ANKS1A: variants seen among roughly 807,000 people sequenced by gnomAD.
ANKS1A encodes the protein ankyrin repeat and SAM domain-containing protein 1A.
Under a neutral mutation model 120.3 loss-of-function variants are expected in ANKS1A, and 55 were observed. The observed-to-expected ratio is 0.46, with a 90% CI of 0.37 to 0.57. The LOEUF (loss-of-function observed/expected upper bound fraction) is 0.57. Among genes scored for constraint, ANKS1A ranks in the 20% least tolerant of loss-of-function variants. The pLI is 0.00. For missense variants in ANKS1A, 1,123 were observed against 1,480.3 expected (o/e 0.76, Z 3.96); for synonymous variants, 590 against 604.7 (o/e 0.98, Z 0.36).
At chr6:35,095,556 CAAAA>C (rs34931330), downstream of ANKS1A, among the ~76,000 whole-genome samples, 1 of 55,304 alleles carries the variant, frequency 1.8e-5, no homozygotes, top group Non-Finnish European at 3.7e-5. Flanking sequence ...GACTGTGTCA[CAAAA>C]AAAAAAAAAA....
intron 13 of ANKS1A, among the ~76,000 whole-genome samples, chr6:35,062,959 C>A (rs1034592518): frequency 3.3e-5 from 5 of 152,206 alleles, no homozygotes; most frequent in African/African-American, 1.2e-4. Flanking sequence ...CATGTTTAAG[C>A]CCTTCAGAAA....
chr6:35,079,703 C>T (rs199771314), intron 15 of ANKS1A, 35 bp downstream of exon 15: 5 of 1,613,820 alleles, frequency 3.1e-6, no homozygotes, highest in Non-Finnish European at 3.4e-6. Flanking sequence ...CCTGGACTCT[C>T]CAGAAGTCTG....
intron 10 of ANKS1A, among the ~76,000 whole-genome samples, chr6:34,999,229 C>G (rs1233472928): frequency 6.6e-6 from 1 of 152,124 alleles, no homozygotes; most frequent in East Asian, 1.9e-4. Context: ...CAGGGTTGGT[C>G]TTGGGAATTT....
At chr6:34,911,664 T>C (rs1213853733) in intron 1 of ANKS1A, among the ~76,000 whole-genome samples, 1 of 152,184 alleles carries the variant, frequency 6.6e-6, no homozygotes, top group Non-Finnish European at 1.5e-5. Flanking sequence ...GAACGGTCAT[T>C]AAGAAACCCA....
intron 10 of ANKS1A, among the ~76,000 whole-genome samples, chr6:35,017,050 C>A (rs1365700037): frequency 6.6e-6 from 1 of 150,512 alleles, no homozygotes; most frequent in African/African-American, 2.4e-5. Context: ...AGGAGTGGGT[C>A]TCCCTGCTCG....
At chr6:34,906,417 A>G (rs951438960) in intron 1 of ANKS1A, among the ~76,000 whole-genome samples, 2 of 152,184 alleles carry the variant, frequency 1.3e-5, no homozygotes, top group African/African-American at 2.4e-5. Context: ...TTCATCAGCA[A>G]ATACTAATTA....
At chr6:35,020,092 T>C (rs1774253639) in intron 11 of ANKS1A, among the ~76,000 whole-genome samples, 1 of 151,926 alleles carries the variant, frequency 6.6e-6, no homozygotes, top group African/African-American at 2.4e-5. Flanking sequence ...GAATGAGAAA[T>C]AAGAGTAGAA....
intron 8 of ANKS1A, 147 bp downstream of exon 8, chr6:34,985,425 C>A: frequency 1.4e-6 from 1 of 722,294 alleles, no homozygotes; most frequent in Non-Finnish European, 2.2e-6. Flanking sequence ...CTTCATGGGG[C>A]TCTGCTGGGT....
intron 1 of ANKS1A, among the ~76,000 whole-genome samples, chr6:34,958,907 G>C (rs1234541426): frequency 6.6e-6 from 1 of 152,164 alleles, no homozygotes; most frequent in Non-Finnish European, 1.5e-5. Flanking sequence ...GTCACACACT[G>C]TACAGTATTG....
chr6:35,003,191 A>G (rs1317404108), intron 10 of ANKS1A, among the ~76,000 whole-genome samples: 1 of 152,164 alleles, frequency 6.6e-6, no homozygotes, highest in African/African-American at 2.4e-5. Flanking sequence ...AGCGAATCAT[A>G]CAATATTATA....
intron 1 of ANKS1A, among the ~76,000 whole-genome samples, chr6:34,909,888 G>T (rs1256368507): frequency 6.6e-6 from 1 of 152,182 alleles, no homozygotes. Flanking sequence ...CAGTGTGTGC[G>T]AAGAATGGGT....
Position 35,090,354 on chromosome 6 carries a change from G to A in ANKS1A, c.*1745G>A, listed in dbSNP as rs1463483921. The A allele has an allele frequency of 3.5e-5, 44 of 1,266,696 alleles. No homozygotes were observed. The highest frequency in any genetic ancestry group is 4.2e-5 in the Non-Finnish European group (41 of 975,404). The allele number at this position is 1,266,696 out of a possible 1,614,324, so 78.5% of individuals were successfully genotyped here. A position where few individuals can be genotyped will look rare whatever the true frequency, so the allele number is the denominator to read the frequency against. On this transcript the variant is annotated 3_prime_UTR_variant, in exon 24 of 24. Coordinates refer to ENST00000360359, the MANE Select transcript of ANKS1A (RefSeq NM_015245.3). Reference sequence around the variant, plus strand: ...TGCCACTGCGCACATGCTGGTGCCCGTCTTCCTCCTAAGGGGCCAGGCCAC... The same window carrying A: ...TGCCACTGCGCACATGCTGGTGCCCATCTTCCTCCTAAGGGGCCAGGCCAC...
At position 35,085,837 on chromosome 6, in the gene ANKS1A, C is replaced by T. The variant is rs148077240; in HGVS notation, c.3204C>T (p.Ala1068=). ...TGGCCTATCAGTTGGCCCTGCAGGC[C>T]CAGAAGTCCAGGGCGACGGGCGCCT... The part of the protein sequence containing the change: ...FEVAYQLALQ[A]QKSRATGASA... Residue 1068 remains alanine (A), a synonymous_variant, in exon 22 of 24, where the codon GCC becomes GCT. Coordinates refer to ENST00000360359, the MANE Select transcript of ANKS1A (RefSeq NM_015245.3). The surrounding 1 kb of genome is among the most constrained non-coding windows in gnomAD (Gnocchi z 4.7). 1 of 1,613,480 alleles carries T rather than the reference C, an allele frequency of 6.2e-7. No homozygotes were observed. The highest frequency in any genetic ancestry group is 1.3e-5 in the African/African-American group (1 of 74,938).
rs185430549 is a variant in ANKS1A, at chr6:35,089,732, C to T, written c.*1123C>T. On this transcript the variant is annotated 3_prime_UTR_variant, in exon 24 of 24. Coordinates refer to ENST00000360359, the MANE Select transcript of ANKS1A (RefSeq NM_015245.3). ...CTGCTTCTTAAGCTTTCCTGCTGCT[C>T]GCTTTGTTTTTAAAAGTAACTTGGG... 312 of 996,372 alleles carry T rather than the reference C, an allele frequency of 3.1e-4. No individual in the cohort carries two copies. In the African/African-American group the frequency reaches 5.2e-3, roughly 17 times the overall value. The allele number at this position is 996,372 out of a possible 1,614,324, so 61.7% of individuals were successfully genotyped here. A position where few individuals can be genotyped will look rare whatever the true frequency, so the allele number is the denominator to read the frequency against.
rs1770945055 is a variant in ANKS1A at position 34,967,334 on chromosome 6, A to G, written c.278+15A>G. 6.2e-7 allele frequency: 1 copy of G among 1,611,790 alleles called. No homozygotes were observed. Among genetic ancestry groups the G allele is most frequent in the Non-Finnish European group, 8.5e-7 (1 of 1,178,952 alleles). On this transcript the variant is annotated intron_variant, in intron 2 of 23. Coordinates refer to ENST00000360359, the MANE Select transcript of ANKS1A (RefSeq NM_015245.3). ...AATGGCCATAAGTAAGTATCAATGT[A>G]CTACATTCCTGCCTTCACCCTTCAG...
chr6:35,072,261 G>A lies in ANKS1A; in HGVS notation c.2185-6297G>A, dbSNP rs141289290. On this transcript the variant is annotated intron_variant, in intron 13 of 23. Transcript: ENST00000360359. Reference sequence around the variant, plus strand: ...TGCCTCCTGCTCTCCCAGGACGCCCGGGGCCGACCCGGGCCGACCCTTGTC... The same window carrying A: ...TGCCTCCTGCTCTCCCAGGACGCCCAGGGCCGACCCGGGCCGACCCTTGTC... 3.6e-4 allele frequency among the ~76,000 whole-genome samples: 55 copies of A among 152,320 alleles called. No individual in the cohort carries two copies. In the East Asian group the frequency reaches 3.9e-3, roughly 11 times the overall value.
intron 11 of ANKS1A, among the ~76,000 whole-genome samples, chr6:35,052,796 C>G (rs558587139): frequency 5.3e-5 from 8 of 152,196 alleles, no homozygotes; most frequent in South Asian, 2.1e-4. Flanking sequence ...CCAGCCTGCT[C>G]TGACACTATC....
At chr6:35,005,672 C>T (rs907815148) in intron 10 of ANKS1A, 1 of 436,672 alleles carries the variant, frequency 2.3e-6, no homozygotes, top group Non-Finnish European at 4.5e-6. Flanking sequence ...GAGACTTGAT[C>T]ATTAAAATGA....
At chr6:34,956,284 T>C (rs1456566890) in intron 1 of ANKS1A, among the ~76,000 whole-genome samples, 1 of 151,930 alleles carries the variant, frequency 6.6e-6, no homozygotes, top group African/African-American at 2.4e-5. Flanking sequence ...TCTGTGATAA[T>C]AGGTTTTCAT....
Sources: gnomAD v4.1 joint callset for allele counts (sites outside exome capture counted in the v4.1 genomes callset) on GRCh38, gnomAD v4.1.1 for gene constraint, Gnocchi (gnomAD v3.1) non-coding constraint, MANE v1.5 for transcripts, NCBI Gene and HGNC (gene_info 2026-07-23, HGNC 2026-07-21) for gene names.